The following SIRT5 variants were observed in gnomAD, a reference collection of about 807,000 sequenced individuals.
SIRT5 encodes sirtuin 5.
In SIRT5, 26 loss-of-function variants were observed where a neutral mutation model predicts 40.0. That is an observed-to-expected ratio of 0.65 (90% confidence interval 0.48 to 0.90). The LOEUF (loss-of-function observed/expected upper bound fraction) is 0.90, where lower values mean the gene tolerates loss of function less well. Among genes scored for constraint, SIRT5 ranks in the 40% least tolerant of loss-of-function variants. The pLI is 0.00. For missense variants in SIRT5, 401 were observed against 402.4 expected (o/e 1.00, Z 0.03); for synonymous variants, 146 against 149.1 (o/e 0.98, Z 0.15).
chr6:13,596,593 C>T (rs967665841), intron 6 of SIRT5, among the ~76,000 whole-genome samples: 2 of 152,102 alleles, frequency 1.3e-5, no homozygotes, highest in African/African-American at 4.8e-5. Context: ...CTCGAGCAAT[C>T]CTCCTGCCTC....
chr6:13,574,838 C>T (rs1758375162), intron 1 of SIRT5, 94 bp downstream of exon 1: 1 of 152,268 alleles, frequency 6.6e-6, no homozygotes. Flanking sequence ...AGCAGGTGGG[C>T]ATGGGAGGCC....
intron 1 of SIRT5, among the ~76,000 whole-genome samples, chr6:13,577,417 T>C (rs889822924): frequency 1.3e-5 from 2 of 152,048 alleles, no homozygotes; most frequent in Admixed American, 1.3e-4. Context: ...ATAAATGAAA[T>C]TGTTTTCTTA....
At chr6:13,606,304 G>C (rs923744511) in intron 9 of SIRT5, among the ~76,000 whole-genome samples, 1 of 152,204 alleles carries the variant, frequency 6.6e-6, no homozygotes, top group African/African-American at 2.4e-5. Context: ...GGAGAGGCGA[G>C]CAGTAAAGTA....
intron 2 of SIRT5, among the ~76,000 whole-genome samples, chr6:13,583,364 G>A (rs149068932): frequency 0.017 from 2,396 of 137,142 alleles, 69 homozygotes; most frequent in African/African-American, 0.064. Context: ...GTACAATCTC[G>A]GCTCACTGCA....
At chr6:13,583,549 C>T (rs528401297) in intron 2 of SIRT5, among the ~76,000 whole-genome samples, 2 of 152,306 alleles carry the variant, frequency 1.3e-5, no homozygotes, top group South Asian at 2.1e-4. Flanking sequence ...CCATCTCGGC[C>T]TCCCAAAGTG....
Position 13,590,261 on chromosome 6 carries a change from C to T in SIRT5, c.250-1408C>T, listed in dbSNP as rs542080303. On this transcript the variant is annotated intron_variant, in intron 4 of 9. Transcript: ENST00000606117. ...CTATCAAGAAACAGAATGTTTCAGT[C>T]ATCCCTGAAAGTTCCCTGTGCCTTT... is the stretch of plus-strand genomic sequence containing the variant. Among the ~76,000 whole-genome samples the T allele has an allele frequency of 2.6e-5, 4 of 152,302 alleles. No homozygotes were observed. In the East Asian group the frequency reaches 7.7e-4, roughly 29 times the overall value.
rs988792524 is a variant in SIRT5, at chr6:13,613,333, T to C, written c.*1468T>C. 6.6e-6 allele frequency: 1 copy of C among 152,218 alleles called. No homozygotes were observed. The highest frequency in any genetic ancestry group is 1.5e-5 in the Non-Finnish European group (1 of 68,058). 9.4% of individuals were successfully genotyped at this position (152,218 alleles called of 1,614,324 possible). ...GAGTAAAGTAGTAAGAATACAGCTT[T>C]TTCCTTAACCTTTACCAGCTAACTC... On this transcript the variant is annotated 3_prime_UTR_variant, in exon 10 of 10. Transcript: ENST00000606117.
chr6:13,606,049 C>A (rs1562280945), intron 9 of SIRT5, among the ~76,000 whole-genome samples: 1 of 152,178 alleles, frequency 6.6e-6, no homozygotes. Flanking sequence ...AGATTATATT[C>A]TAGTGGTTGA....
chr6:13,594,003 A>G (rs1265079570), intron 5 of SIRT5, among the ~76,000 whole-genome samples: 4 of 152,104 alleles, frequency 2.6e-5, no homozygotes, highest in Admixed American at 1.3e-4. Flanking sequence ...TTCTCATCCA[A>G]GCTCCTGACA....
chr6:13,593,951 T>C (rs754301802), intron 5 of SIRT5, among the ~76,000 whole-genome samples: 1 of 152,210 alleles, frequency 6.6e-6, no homozygotes, highest in Non-Finnish European at 1.5e-5. Flanking sequence ...AGATGGATGA[T>C]GCAGCGTTTC....
chr6:13,578,264 T>C (rs1758874683), intron 1 of SIRT5, among the ~76,000 whole-genome samples: 1 of 152,180 alleles, frequency 6.6e-6, no homozygotes, highest in Non-Finnish European at 1.5e-5. Flanking sequence ...TAGTTTTTCT[T>C]CTTGTAACGT....
chr6:13,614,048 A>C lies in SIRT5; in HGVS notation c.*2183A>C, dbSNP rs1296715242. ...TGGTTTTGTCGTTTTTAAATTGAGA[A>C]TTGCTTCTAAAACAGAAGACATGAA... On this transcript the variant is annotated 3_prime_UTR_variant, in exon 10 of 10. Coordinates refer to ENST00000606117, the MANE Select transcript of SIRT5 (RefSeq NM_012241.5). 1 of 152,206 alleles carries C rather than the reference A, an allele frequency of 6.6e-6. No homozygotes were observed. Among genetic ancestry groups the C allele is most frequent in the Non-Finnish European group, 1.5e-5 (1 of 68,036 alleles). 9.4% of individuals were successfully genotyped at this position (152,206 alleles called of 1,614,324 possible).
intron 9 of SIRT5, chr6:13,604,858 C>A: frequency 9.7e-7 from 1 of 1,030,300 alleles, no homozygotes; most frequent in Non-Finnish European, 1.2e-6. Flanking sequence ...TTGTCTCTAA[C>A]AAACAGGCTA....
In SIRT5 at chr6:13,594,510, C is replaced by T. The variant is rs1374629698; in HGVS notation, c.476-967C>T. 7.9e-5 allele frequency among the ~76,000 whole-genome samples: 12 copies of T among 152,228 alleles called. No homozygotes were observed. In the East Asian group the frequency reaches 9.6e-4, roughly 12 times the overall value. ...ACGCGCCAAGGGAGAGTGCCTCCGA[C>T]GGCTCCAGCTCAGCCACCTGCTCAG... On this transcript the variant is annotated intron_variant, in intron 5 of 9. Transcript: ENST00000606117.
chr6:13,607,215 G>A lies in SIRT5; in HGVS notation c.858-4575G>A, dbSNP rs566311263. On this transcript the variant is annotated intron_variant, in intron 9 of 9. Coordinates refer to ENST00000606117, the MANE Select transcript of SIRT5 (RefSeq NM_012241.5). This position sits in a 1 kb window ranked among gnomAD's most constrained non-coding sequence, Gnocchi z 4.0. ...GAATCAGAATTTCTAGGGGGAAGAT[G>A]CCTGTTTATCTGTGTAGTTAGCAAA... Among the ~76,000 whole-genome samples the A allele has an allele frequency of 2.4e-4, 36 of 152,064 alleles. No individual in the cohort carries two copies. The highest frequency in any genetic ancestry group is 8.4e-4 in the African/African-American group (35 of 41,476).
chr6:13,578,904 C>G (rs1038638039), intron 1 of SIRT5, among the ~76,000 whole-genome samples: 2 of 152,078 alleles, frequency 1.3e-5, no homozygotes, highest in African/African-American at 2.4e-5. Flanking sequence ...TTATAAGAAC[C>G]TGCCTAGCAC....
intron 2 of SIRT5, among the ~76,000 whole-genome samples, chr6:13,580,847 G>T (rs1369513776): frequency 1.3e-5 from 2 of 152,154 alleles, no homozygotes; most frequent in African/African-American, 4.8e-5. Flanking sequence ...TTTTTGTAGA[G>T]ATGGGGTCTC....
intron 1 of SIRT5, among the ~76,000 whole-genome samples, chr6:13,577,665 A>G (rs1051148463): frequency 1.3e-4 from 20 of 148,414 alleles, no homozygotes; most frequent in African/African-American, 4.6e-4. Flanking sequence ...ATATATTTAT[A>G]TATCCCTATA....
chr6:13,598,538 A>G (rs1213016320), intron 7 of SIRT5, among the ~76,000 whole-genome samples: 1 of 152,198 alleles, frequency 6.6e-6, no homozygotes, highest in Non-Finnish European at 1.5e-5. Flanking sequence ...ATAAAAAATA[A>G]GGACAGTTCT....
Sources: allele counts gnomAD v4.1 joint callset (sites outside exome capture counted in the v4.1 genomes callset), GRCh38; gene constraint gnomAD v4.1.1; non-coding constraint Gnocchi (gnomAD v3.1); transcripts MANE v1.5; gene names NCBI Gene and HGNC (gene_info 2026-07-23, HGNC 2026-07-21).